The following CACNA2D3 variants were observed in gnomAD, a reference collection of about 807,000 sequenced individuals.
The protein encoded by CACNA2D3 is voltage-dependent calcium channel subunit alpha-2/delta-3.
In CACNA2D3, 60 loss-of-function variants were observed where a neutral mutation model predicts 160.6. The observed-to-expected ratio is 0.37, with a 90% CI of 0.30 to 0.46. CACNA2D3 has a LOEUF of 0.46. CACNA2D3 is among the 20% of genes least tolerant of loss of function. CACNA2D3 has a pLI of 1.00. For missense variants in CACNA2D3, 1,205 were observed against 1,365.0 expected, an observed-to-expected ratio of 0.88 and a Z score of 1.85; for synonymous variants, 558 against 492.9, an observed-to-expected ratio of 1.13 and a Z score of -1.75.
At chr3:54,943,203 TAA>T (rs34708598) in intron 27 of CACNA2D3, among the ~76,000 whole-genome samples, 4 of 142,100 alleles carry the variant, frequency 2.8e-5, no homozygotes, top group African/African-American at 2.6e-5. Context: ...CTATCTCTGG[TAA>T]AAAAAAAAAA....
chr3:54,648,980 C>T (rs183636236), intron 11 of CACNA2D3, among the ~76,000 whole-genome samples: 3 of 152,300 alleles, frequency 2.0e-5, no homozygotes, highest in East Asian at 1.9e-4. Context: ...CCAGGTCCCA[C>T]GTCCAACATT....
At chr3:54,736,649 G>A (rs375600128) in intron 11 of CACNA2D3, among the ~76,000 whole-genome samples, 17 of 152,276 alleles carry the variant, frequency 1.1e-4, no homozygotes, top group African/African-American at 4.1e-4. Flanking sequence ...GTGCTTAAAA[G>A]TGAGCTTGAA....
intron 5 of CACNA2D3, among the ~76,000 whole-genome samples, chr3:54,527,622 G>A (rs1701746011): frequency 6.6e-6 from 1 of 152,158 alleles, no homozygotes; most frequent in African/African-American, 2.4e-5. Context: ...TGTTATGGAC[G>A]AAGGGAGCCC....
rs545227685 is a variant in CACNA2D3, at chr3:54,809,556, G to C, written c.1381-7297G>C. On this transcript the variant is annotated intron_variant, in intron 13 of 37. Coordinates refer to ENST00000474759, the MANE Select transcript of CACNA2D3 (RefSeq NM_018398.3). ...GATGGTCTCGATCTCCTGACCTCAT[G>C]ATCCACCCGCCTCGGCCTCCCAAAG... Among the ~76,000 whole-genome samples the C allele has an allele frequency of 2.4e-3, 342 of 139,704 alleles. 21 individuals are homozygous for C. Among genetic ancestry groups the C allele is most frequent in the African/African-American group, 0.011 (331 of 31,414 alleles). 91.7% of individuals were successfully genotyped at this position (139,704 alleles called of 152,430 possible).
At chr3:54,204,803 A>G (rs1442299291) in intron 2 of CACNA2D3, among the ~76,000 whole-genome samples, 6 of 149,828 alleles carry the variant, frequency 4.0e-5, no homozygotes, top group East Asian at 1.9e-4. Flanking sequence ...CTTGAAAAAA[A>G]AAAAAAAAAA....
chr3:55,008,886 T>TACACACGCACACACACAC (rs1491125549), intron 33 of CACNA2D3, among the ~76,000 whole-genome samples: 19 of 53,350 alleles, frequency 3.6e-4, no homozygotes, highest in African/African-American at 1.4e-3. Flanking sequence ...CACCTCCCTC[T>TACACACGCACACACACAC]ATACACACAC....
intron 4 of CACNA2D3, among the ~76,000 whole-genome samples, chr3:54,482,138 A>G (rs1454504903): frequency 1.3e-5 from 2 of 152,228 alleles, no homozygotes; most frequent in Admixed American, 1.3e-4. Flanking sequence ...ATTGAAGCAG[A>G]ATTGAGATGT....
chr3:54,586,978 CAA>C (rs1475323189), intron 9 of CACNA2D3, among the ~76,000 whole-genome samples: 1 of 151,554 alleles, frequency 6.6e-6, no homozygotes, highest in Non-Finnish European at 1.5e-5. Flanking sequence ...TGAATGAAAA[CAA>C]AGATTACATA....
intron 3 of CACNA2D3, among the ~76,000 whole-genome samples, chr3:54,366,275 C>A (rs747656564): frequency 2.0e-5 from 3 of 152,084 alleles, no homozygotes; most frequent in Non-Finnish European, 4.4e-5. Flanking sequence ...TCAGAGACAC[C>A]ACATGTGGAA....
intron 2 of CACNA2D3, among the ~76,000 whole-genome samples, chr3:54,280,680 T>G (rs536823389): frequency 6.6e-6 from 1 of 152,252 alleles, no homozygotes; most frequent in East Asian, 1.9e-4. Flanking sequence ...AGTTTAGCAA[T>G]AACAACCCTT....
chr3:54,969,762 CAT>C (rs778941875), intron 28 of CACNA2D3, 36 bp from the exon 29 acceptor site: 2 of 1,600,080 alleles, frequency 1.2e-6, no homozygotes, highest in Non-Finnish European at 1.7e-6. Flanking sequence ...GCCCAAGTAA[CAT>C]AGTAACACAT....
intron 3 of CACNA2D3, among the ~76,000 whole-genome samples, chr3:54,330,147 G>T (rs1704213774): frequency 6.6e-6 from 1 of 151,902 alleles, no homozygotes; most frequent in Admixed American, 6.6e-5. Context: ...AGATGAACAT[G>T]CAAGGCTTTG....
chr3:54,789,972 C>T (rs1217240742), intron 13 of CACNA2D3: 8 of 417,776 alleles, frequency 1.9e-5, no homozygotes, highest in African/African-American at 8.2e-5. Context: ...TGGAGCTATT[C>T]GAGAAAGAGT....
chr3:54,347,252 G>A (rs964596351), intron 3 of CACNA2D3, among the ~76,000 whole-genome samples: 4 of 152,208 alleles, frequency 2.6e-5, no homozygotes, highest in Admixed American at 6.5e-5. Flanking sequence ...GAGTGGCTCA[G>A]GCCATAGTTG....
At chr3:54,618,584 A>C (rs1698914828) in intron 9 of CACNA2D3, among the ~76,000 whole-genome samples, 1 of 152,160 alleles carries the variant, frequency 6.6e-6, no homozygotes, top group African/African-American at 2.4e-5. Flanking sequence ...CCAAGTGTTC[A>C]TACAGAAAAA....
At chr3:54,781,846 G>T (rs572873269) in intron 13 of CACNA2D3, among the ~76,000 whole-genome samples, 2 of 152,328 alleles carry the variant, frequency 1.3e-5, no homozygotes, top group East Asian at 1.9e-4. Context: ...CAGAGCAAAT[G>T]CATTATTTGC....
intron 8 of CACNA2D3, among the ~76,000 whole-genome samples, chr3:54,575,707 G>A (rs185414167): frequency 3.7e-4 from 57 of 152,222 alleles, no homozygotes; most frequent in Admixed American, 9.8e-4. Flanking sequence ...GTCATGTATC[G>A]CCTGGGGCTC....
At chr3:54,389,750 A>C (rs1699248802) in intron 4 of CACNA2D3, among the ~76,000 whole-genome samples, 1 of 152,204 alleles carries the variant, frequency 6.6e-6, no homozygotes, top group Non-Finnish European at 1.5e-5. Context: ...CGTCTTCAAA[A>C]ATGCCAAGAT....
chr3:54,488,758 G>A (rs1045767107), intron 4 of CACNA2D3, among the ~76,000 whole-genome samples: 1 of 152,288 alleles, frequency 6.6e-6, no homozygotes, highest in Non-Finnish European at 1.5e-5. Context: ...AAACAGCTAT[G>A]CTTCCTCCAA....
Sources: gnomAD v4.1 joint callset for allele counts (sites outside exome capture counted in the v4.1 genomes callset) on GRCh38, gnomAD v4.1.1 for gene constraint, MANE v1.5 for transcripts, NCBI Gene and HGNC (gene_info 2026-07-23, HGNC 2026-07-21) for gene names.